Variants in CFLAR observed in about 807,000 individuals in gnomAD.
The protein encoded by CFLAR is CASP8 and FADD like apoptosis regulator, also known as CASP8 and FADD-like apoptosis regulator.
In CFLAR, 14 loss-of-function variants were observed where a neutral mutation model predicts 51.1. That is an observed-to-expected ratio of 0.27 (90% CI 0.18 to 0.43). The LOEUF is 0.43. Among genes scored for constraint, CFLAR ranks in the 20% least tolerant of loss-of-function variants. The pLI is 1.00. For missense variants in CFLAR, 390 were observed against 566.5 expected (o/e 0.69, Z 3.16); for synonymous variants, 210 against 211.6 (o/e 0.99, Z 0.06).
Position 201,166,760 on chromosome 2 carries a change from C to T in CFLAR, c.*2787C>T, listed in dbSNP as rs187158152. On this transcript the variant is annotated 3_prime_UTR_variant, in exon 10 of 10. Coordinates refer to ENST00000309955, the MANE Select transcript of CFLAR (RefSeq NM_003879.7). ...CTGGCAGATCACTCGCAGTCAGGAGCTGGAGACCAGCCCGGCCAACACAGT... is the reference window on the plus strand; with the variant it reads ...CTGGCAGATCACTCGCAGTCAGGAGTTGGAGACCAGCCCGGCCAACACAGT... The T allele has an allele frequency of 0.028, 4,554 of 162,458 alleles. 110 individuals carry two copies. The highest frequency in any genetic ancestry group is 0.073 in the Middle Eastern group (25 of 342). The allele number at this position is 162,458 out of a possible 1,614,324, so 10.1% of individuals were successfully genotyped here. A position where few individuals can be genotyped will look rare whatever the true frequency, so the allele number is the denominator to read the frequency against.
chr2:201,160,644 A>G lies in CFLAR; in HGVS notation c.1006A>G (p.Ile336Val). 1 of 1,614,032 alleles carries G rather than the reference A, an allele frequency of 6.2e-7. No homozygotes were observed. Among genetic ancestry groups the G allele is most frequent in the Non-Finnish European group, 8.5e-7 (1 of 1,179,980 alleles). ...TCACTCAGGGCTCCCCCTGCATCAC[A>G]TCAGGAGGATGTTCATGGGAGATTC... ...QTHSGLPLHH[I>V]RRMFMGDSCP... Residue 336 changes from isoleucine to valine, a missense_variant, in exon 9 of 10, where the codon ATC becomes GTC. Physicochemically the swap from Ile to Val is conservative, Grantham distance 29. Around this residue, in one of 2 missense-constraint regions of CFLAR, gnomAD observed 287 missense variants for 363.6 expected, o/e 0.79. Coordinates refer to ENST00000309955, the MANE Select transcript of CFLAR (RefSeq NM_003879.7).
Position 201,118,508 on chromosome 2 carries a change from G to T in CFLAR, c.-138+2027G>T, listed in dbSNP as rs1025980763. 1.3e-5 allele frequency: 2 copies of T among 152,258 alleles called. No homozygotes were observed. The highest frequency in any genetic ancestry group is 4.8e-5 in the African/African-American group (2 of 41,448). The allele number at this position is 152,258 out of a possible 1,614,324, so 9.4% of individuals were successfully genotyped here. A position where few individuals can be genotyped will look rare whatever the true frequency, so the allele number is the denominator to read the frequency against. On this transcript the variant is annotated intron_variant, in intron 1 of 9. Coordinates refer to ENST00000309955, the MANE Select transcript of CFLAR (RefSeq NM_003879.7). The surrounding 1 kb of genome is among the most constrained non-coding windows in gnomAD (Gnocchi z 5.1). The stretch of plus-strand genomic sequence containing the variant: ...GCTGTCCCCACTCAGTCCTGGTGGG[G>T]TCGCACGTAACGGTCCTGAGCTATG...
chr2:201,172,401 ATCT>A lies in CFLAR; in HGVS notation c.*8433_*8435del, dbSNP rs1364068662. Reference sequence around the variant, plus strand: ...ATTGTGACATATCCTAGGTTTCCTCATCTTCTTTTTATTGAAATGTAATTCACA... The same window carrying A: ...ATTGTGACATATCCTAGGTTTCCTCATCTTTTTATTGAAATGTAATTCACA... On this transcript the variant is annotated 3_prime_UTR_variant, in exon 10 of 10. Coordinates refer to ENST00000309955, the MANE Select transcript of CFLAR (RefSeq NM_003879.7). 1 of 152,170 alleles carries A rather than the reference ATCT, an allele frequency of 6.6e-6. No homozygotes were observed. The highest frequency in any genetic ancestry group is 1.5e-5 in the Non-Finnish European group (1 of 68,032). The allele number at this position is 152,170 out of a possible 1,614,324, so 9.4% of individuals were successfully genotyped here.
intron 1 of CFLAR, among the ~76,000 whole-genome samples, chr2:201,117,397 A>T (rs930051872): frequency 1.3e-5 from 2 of 152,224 alleles, no homozygotes; most frequent in African/African-American, 4.8e-5. Context: ...GGCACGCAGT[A>T]GAACAAAGGC....
intron 1 of CFLAR, among the ~76,000 whole-genome samples, chr2:201,121,635 C>T (rs2048193643): frequency 6.6e-6 from 1 of 152,082 alleles, no homozygotes; most frequent in South Asian, 2.1e-4. Context: ...CTTTATATAT[C>T]CCTAGTGTTA....
intron 9 of CFLAR, among the ~76,000 whole-genome samples, chr2:201,161,695 G>A (rs1449791283): frequency 2.0e-5 from 3 of 149,422 alleles, no homozygotes; most frequent in Non-Finnish European, 4.4e-5. Context: ...GATTACAAGC[G>A]TGAGCCACTG....
At chr2:201,137,241 A>G (rs991852100) in intron 4 of CFLAR, 14 of 218,374 alleles carry the variant, frequency 6.4e-5, no homozygotes, top group African/African-American at 3.3e-4. Context: ...CTGCAGCAAG[A>G]AAGACCTGAG....
In CFLAR at chr2:201,138,340, A is replaced by G. The variant is rs2125734189; in HGVS notation, c.524-2017A>G. On this transcript the variant is annotated intron_variant, in intron 4 of 9. Coordinates refer to ENST00000309955, the MANE Select transcript of CFLAR (RefSeq NM_003879.7). The surrounding 1 kb of genome is among the most constrained non-coding windows in gnomAD (Gnocchi z 4.0). ...CAGCTGCCCCGCCCAGCAGCTGCTC[A>G]TGGGAATCCTTGGAGGCCACAGGGT... 1.3e-6 allele frequency: 1 copy of G among 769,582 alleles called. No homozygotes were observed. Among genetic ancestry groups the G allele is most frequent in the Non-Finnish European group, 2.4e-6 (1 of 416,452 alleles). 47.7% of individuals were successfully genotyped at this position (769,582 alleles called of 1,614,324 possible).
chr2:201,153,375 C>G (rs1443029830), intron 8 of CFLAR: 1 of 152,282 alleles, frequency 6.6e-6, no homozygotes, highest in Non-Finnish European at 1.5e-5. Flanking sequence ...GTCTCCTCTC[C>G]TCACACCATC....
rs1385411472 is a variant in CFLAR, at chr2:201,165,076, G to A, written c.*1103G>A. On this transcript the variant is annotated 3_prime_UTR_variant, in exon 10 of 10. Transcript: ENST00000309955. ...ATACTGTCTCCCCTTTGAATTCTGG[G>A]GGGAATACAAACATTCAGTTTGTAA... The A allele has an allele frequency of 1.3e-5, 2 of 151,924 alleles. No individual in the cohort carries two copies. Among genetic ancestry groups the A allele is most frequent in the African/African-American group, 4.8e-5 (2 of 41,336 alleles). The allele number at this position is 151,924 out of a possible 1,614,324, so 9.4% of individuals were successfully genotyped here. A position where few individuals can be genotyped will look rare whatever the true frequency, so the allele number is the denominator to read the frequency against.
chr2:201,146,221 A>G (rs1940132085), intron 6 of CFLAR: 1 of 152,056 alleles, frequency 6.6e-6, no homozygotes, highest in African/African-American at 2.4e-5. Context: ...ATCTCGGCTC[A>G]CTGCAACCTC....
chr2:201,158,852 C>CATTATTATTATTATT (rs61427822), intron 8 of CFLAR, among the ~76,000 whole-genome samples: 17 of 139,620 alleles, frequency 1.2e-4, no homozygotes, highest in East Asian at 4.0e-4. Flanking sequence ...TTGCCCTCAT[C>CATTATTATTATTATT]ATTATTATTA....
chr2:201,150,333 CA>C lies in CFLAR; in HGVS notation c.793+512del, dbSNP rs56975072. ...TGGGTGACAGAGCAAGATTCTGTCTCAAAAAAAAAAAAAATTAGCTGGTGTG... is the reference window on the plus strand; with the variant it reads ...TGGGTGACAGAGCAAGATTCTGTCTCAAAAAAAAAAAAATTAGCTGGTGTG... On this transcript the variant is annotated intron_variant, in intron 8 of 9. Transcript: ENST00000309955. 7.2e-3 allele frequency: 977 copies of C among 135,308 alleles called. 13 individuals are homozygous for C. The highest frequency in any genetic ancestry group is 0.022 in the African/African-American group (796 of 36,598). 8.4% of individuals were successfully genotyped at this position (135,308 alleles called of 1,614,324 possible). A position where few individuals can be genotyped will look rare whatever the true frequency, so the allele number is the denominator to read the frequency against.
chr2:201,138,074 G>A lies in CFLAR; in HGVS notation c.523+1967G>A, dbSNP rs1042150576. The A allele has an allele frequency of 1.2e-4, 89 of 729,782 alleles. No homozygotes were observed. The highest frequency in any genetic ancestry group is 3.7e-4 in the Middle Eastern group (1 of 2,682). The allele number at this position is 729,782 out of a possible 1,614,324, so 45.2% of individuals were successfully genotyped here. A position where few individuals can be genotyped will look rare whatever the true frequency, so the allele number is the denominator to read the frequency against. ...CTATCACTTCCTGGTTGATGTAGAT[G>A]GAGCCGCGCAGTCCATGCCCCTGCC... On this transcript the variant is annotated intron_variant, in intron 4 of 9. Coordinates refer to ENST00000309955, the MANE Select transcript of CFLAR (RefSeq NM_003879.7). This position sits in a 1 kb window ranked among gnomAD's most constrained non-coding sequence, Gnocchi z 4.0.
intron 1 of CFLAR, among the ~76,000 whole-genome samples, chr2:201,122,253 A>G (rs1441512845): frequency 6.6e-6 from 1 of 152,184 alleles, no homozygotes; most frequent in African/African-American, 2.4e-5. Context: ...GTTTCCAGAA[A>G]ATTTTGCATG....
At chr2:201,151,507 C>T (rs1278763394) in intron 8 of CFLAR, among the ~76,000 whole-genome samples, 4 of 152,066 alleles carry the variant, frequency 2.6e-5, no homozygotes, top group Non-Finnish European at 4.4e-5. Context: ...ATTTCAGATA[C>T]GATCCTGCTT....
rs570770041 is a variant in CFLAR at position 201,172,888 on chromosome 2, T to G, written c.*8915T>G. ...ATATGAATTTTTATATGGATATATG[T>G]TTTCAGTTCTTCTGGGCATATACCT... On this transcript the variant is annotated 3_prime_UTR_variant, in exon 10 of 10. Coordinates refer to ENST00000309955, the MANE Select transcript of CFLAR (RefSeq NM_003879.7). 1 of 152,360 alleles carries G rather than the reference T, an allele frequency of 6.6e-6. No individual in the cohort carries two copies. The highest frequency in any genetic ancestry group is 2.4e-5 in the African/African-American group (1 of 41,590). The allele number at this position is 152,360 out of a possible 1,614,324, so 9.4% of individuals were successfully genotyped here. A position where few individuals can be genotyped will look rare whatever the true frequency, so the allele number is the denominator to read the frequency against.
chr2:201,163,201 C>T, intron 9 of CFLAR: 1 of 1,199,862 alleles, frequency 8.3e-7, no homozygotes. Context: ...TCTGACTGTT[C>T]AGATCTGGAA....
intron 3 of CFLAR, among the ~76,000 whole-genome samples, chr2:201,134,529 G>A (rs983793015): frequency 6.6e-6 from 1 of 151,642 alleles, no homozygotes; most frequent in Non-Finnish European, 1.5e-5. Flanking sequence ...CAGCTACTTG[G>A]GAGGCTGAGG....
Sources: allele counts gnomAD v4.1 joint callset (sites outside exome capture counted in the v4.1 genomes callset), GRCh38; gene constraint gnomAD v4.1.1; regional missense constraint gnomAD v4.1.1; non-coding constraint Gnocchi (gnomAD v3.1); transcripts MANE v1.5; gene names NCBI Gene and HGNC (gene_info 2026-07-23, HGNC 2026-07-21).